PTK2: variants seen among roughly 807,000 people sequenced by gnomAD.
PTK2 encodes focal adhesion kinase 1.
PTK2 carries 45 observed loss-of-function variants against 150.1 expected under a neutral mutation model. The observed-to-expected ratio is 0.30, with a 90% CI of 0.24 to 0.38. The LOEUF (loss-of-function observed/expected upper bound fraction) is 0.38, where lower values mean the gene tolerates loss of function less well. Among genes scored for constraint, PTK2 ranks in the 10% least tolerant of loss-of-function variants. The probability of loss-of-function intolerance (pLI) is 1.00; values close to 1 mark genes in which losing one functional copy is unlikely to be tolerated. For synonymous variants in PTK2, 432 were observed against 449.2 expected (o/e 0.96, Z 0.48); for missense variants, 919 against 1,307.3 (o/e 0.70, Z 4.58).
intron 5 of PTK2, among the ~76,000 whole-genome samples, chr8:140,848,392 C>T (rs911111532): frequency 4.6e-5 from 7 of 152,180 alleles, no homozygotes; most frequent in Non-Finnish European, 8.8e-5. Flanking sequence ...GTCTCAAAAC[C>T]TTTCTTTATT....
intron 23 of PTK2, 119 bp from the exon 27 acceptor site, chr8:140,706,324 GC>G (rs1280535576): frequency 1.4e-6 from 1 of 712,216 alleles, no homozygotes; most frequent in East Asian, 2.6e-5. Flanking sequence ...ATAAAAAGAT[GC>G]TAAGACATTT....
intron 14 of PTK2, among the ~76,000 whole-genome samples, chr8:140,784,739 C>G (rs2100083892): frequency 6.6e-6 from 1 of 152,168 alleles, no homozygotes; most frequent in Non-Finnish European, 1.5e-5. Context: ...AAAAAAAAGA[C>G]TTCTACAGGT....
At chr8:140,860,086 C>T (rs1238612223) in intron 5 of PTK2, among the ~76,000 whole-genome samples, 1 of 152,130 alleles carries the variant, frequency 6.6e-6, no homozygotes. Flanking sequence ...TATACATGGC[C>T]TGTTTTAAAC....
chr8:140,896,505 A>G (rs1286731183), intron 2 of PTK2, among the ~76,000 whole-genome samples: 1 of 152,230 alleles, frequency 6.6e-6, no homozygotes, highest in African/African-American at 2.4e-5. Context: ...AATTCACCAC[A>G]TTTTCAGAAA....
chr8:140,949,527 A>G (rs147919461), intron 1 of PTK2, among the ~76,000 whole-genome samples: 1,899 of 152,324 alleles, frequency 0.012, 44 homozygotes, highest in African/African-American at 0.043. Flanking sequence ...AGCCCACTCC[A>G]GGGCAGAGCA....
intron 30 of PTK2, among the ~76,000 whole-genome samples, chr8:140,667,082 G>A (rs1319346759): frequency 1.3e-5 from 2 of 152,186 alleles, no homozygotes; most frequent in African/African-American, 4.8e-5. Context: ...CATAGAGATA[G>A]CAAGTAGGAT....
At chr8:140,860,895 A>G (rs1296931148) in intron 5 of PTK2, among the ~76,000 whole-genome samples, 2 of 152,236 alleles carry the variant, frequency 1.3e-5, no homozygotes, top group African/African-American at 4.8e-5. Context: ...GACATTGCCA[A>G]TCACCAATGG....
chr8:140,702,008 A>T (rs2100030747), intron 25 of PTK2, among the ~76,000 whole-genome samples: 1 of 151,350 alleles, frequency 6.6e-6, no homozygotes, highest in Non-Finnish European at 1.5e-5. Flanking sequence ...CGCACTTGTA[A>T]TCCAAGCTGC....
intron 10 of PTK2, among the ~76,000 whole-genome samples, chr8:140,815,831 T>C (rs892675774): frequency 7.2e-5 from 11 of 152,212 alleles, no homozygotes; most frequent in African/African-American, 2.6e-4. Context: ...GGGTCTTTGA[T>C]TAAATTTAGG....
chr8:140,919,780 CTGAG>C (rs2100166711), intron 2 of PTK2, among the ~76,000 whole-genome samples: 1 of 149,872 alleles, frequency 6.7e-6, no homozygotes, highest in South Asian at 2.1e-4. Context: ...AATATTTACT[CTGAG>C]TATCTAATTA....
chr8:140,839,435 T>G (rs1476990403), intron 7 of PTK2, among the ~76,000 whole-genome samples: 1 of 152,190 alleles, frequency 6.6e-6, no homozygotes, highest in Non-Finnish European at 1.5e-5. Flanking sequence ...ACCTCAAGGT[T>G]ATTGTCAAAT....
chr8:140,851,273 C>G (rs949604258), intron 5 of PTK2, among the ~76,000 whole-genome samples: 2 of 152,158 alleles, frequency 1.3e-5, no homozygotes, highest in Admixed American at 6.5e-5. Flanking sequence ...ATTACGCTAC[C>G]TTAATGAGTT....
intron 22 of PTK2, among the ~76,000 whole-genome samples, chr8:140,731,884 C>T (rs952120343): frequency 2.0e-5 from 3 of 152,166 alleles, no homozygotes; most frequent in Non-Finnish European, 4.4e-5. Context: ...GCCTGGGCAA[C>T]AGAGGAGACC....
At chr8:140,668,041 C>T (rs1267454776) in intron 30 of PTK2, among the ~76,000 whole-genome samples, 1 of 152,238 alleles carries the variant, frequency 6.6e-6, no homozygotes, top group Non-Finnish European at 1.5e-5. Context: ...CTTCAAGACA[C>T]TCCCATCCTA....
chr8:140,746,621 T>A, intron 18 of PTK2, 139 bp downstream of exon 21: 1 of 602,056 alleles, frequency 1.7e-6, no homozygotes, highest in South Asian at 2.4e-5. Context: ...CCATATTCTC[T>A]GAACCAAAAC....
At chr8:140,751,588 T>C (rs917291552) in intron 17 of PTK2, among the ~76,000 whole-genome samples, 2 of 151,484 alleles carry the variant, frequency 1.3e-5, no homozygotes, top group Admixed American at 1.3e-4. Context: ...CTCTCTGGGG[T>C]TCAAGCTATT....
chr8:140,778,355 G>A (rs749815050), intron 14 of PTK2, among the ~76,000 whole-genome samples: 1 of 152,190 alleles, frequency 6.6e-6, no homozygotes, highest in Non-Finnish European at 1.5e-5. Context: ...GGAGGCTAAG[G>A]CACAAGAACT....
intron 2 of PTK2, among the ~76,000 whole-genome samples, chr8:140,893,223 G>A (rs2100154823): frequency 6.6e-6 from 1 of 152,152 alleles, no homozygotes; most frequent in Admixed American, 6.5e-5. Context: ...GGAGGCCGAG[G>A]ATTGCTTGAG....
chr8:140,669,301 G>GTGTATATATATATATATATATA (rs1554641612), intron 29 of PTK2: 3 of 97,992 alleles, frequency 3.1e-5, no homozygotes, highest in African/African-American at 1.4e-4. Context: ...GCATAAAATG[G>GTGTATATATATATATATATATA]TATATATATA....
Sources: allele counts gnomAD v4.1 joint callset (sites outside exome capture counted in the v4.1 genomes callset), GRCh38; gene constraint gnomAD v4.1.1; transcripts MANE v1.5; gene names NCBI Gene and HGNC (gene_info 2026-07-23, HGNC 2026-07-21).